HDAC9: variants seen among roughly 807,000 people sequenced by gnomAD.
HDAC9 encodes histone deacetylase 9.
In HDAC9, 41 loss-of-function variants were observed where a neutral mutation model predicts 139.4. The observed-to-expected ratio is 0.29, with a 90% confidence interval of 0.23 to 0.38. The LOEUF (loss-of-function observed/expected upper bound fraction) is 0.38, where lower values mean the gene tolerates loss of function less well. HDAC9 is among the 10% of genes least tolerant of loss of function. HDAC9 has a pLI of 1.00. For synonymous variants in HDAC9, 517 were observed against 476.2 expected, an observed-to-expected ratio of 1.09 and a Z score of -1.12; for missense variants, 1,147 against 1,297.0, an observed-to-expected ratio of 0.88 and a Z score of 1.78.
rs574714431 is a variant in HDAC9, at chr7:18,590,593, T to A, written c.415+107T>A. On this transcript the variant is annotated intron_variant, in intron 4 of 25. Coordinates refer to ENST00000686413, the MANE Select transcript of HDAC9 (RefSeq NM_178425.4). ...TGCGGTTAGACTCGTCAAAATTATC[T>A]GTGTTTAATTAAAAGCATAGATTAC... 3 of 1,111,552 alleles carry A rather than the reference T, an allele frequency of 2.7e-6. No individual in the cohort carries two copies. The African/African-American group carries it at 4.8e-5, about 18-fold the overall frequency. 68.9% of individuals were successfully genotyped at this position (1,111,552 alleles called of 1,614,324 possible).
intron 8 of HDAC9, among the ~76,000 whole-genome samples, chr7:18,637,239 A>G (rs1401503472): frequency 6.6e-6 from 1 of 152,118 alleles, no homozygotes; most frequent in African/African-American, 2.4e-5. Context: ...GGGGGAAAAC[A>G]TGATTTGATA....
chr7:18,932,823 A>G (rs374286083), intron 22 of HDAC9, among the ~76,000 whole-genome samples: 6 of 130,882 alleles, frequency 4.6e-5, no homozygotes, highest in African/African-American at 1.1e-4. Context: ...ATAGAAAGAA[A>G]GAAGGAAGGA....
At chr7:18,990,812 C>T (rs1214583701) in intron 25 of HDAC9, among the ~76,000 whole-genome samples, 2 of 152,214 alleles carry the variant, frequency 1.3e-5, no homozygotes, top group African/African-American at 2.4e-5. Context: ...CCTGATTTTC[C>T]AGGTGCCGTC....
chr7:18,634,446 G>A (rs1783280749), intron 7 of HDAC9, among the ~76,000 whole-genome samples, 181 bp from the exon 8 acceptor site: 1 of 151,682 alleles, frequency 6.6e-6, no homozygotes, highest in Non-Finnish European at 1.5e-5. Context: ...AAACAAAGGA[G>A]GAATAAGTGG....
chr7:18,498,357 T>A (rs1797486158), intron 2 of HDAC9, among the ~76,000 whole-genome samples: 1 of 152,056 alleles, frequency 6.6e-6, no homozygotes, highest in Non-Finnish European at 1.5e-5. Context: ...ATGCCTGGTT[T>A]AATTGGTATG....
chr7:18,090,651 G>A (rs1413665739), intron 1 of HDAC9, among the ~76,000 whole-genome samples: 1 of 152,170 alleles, frequency 6.6e-6, no homozygotes, highest in Non-Finnish European at 1.5e-5. Context: ...AGAGAGTATT[G>A]ACGGGGGACA....
intron 1 of HDAC9, among the ~76,000 whole-genome samples, chr7:18,149,355 CT>C (rs534480190): frequency 5.0e-4 from 70 of 139,534 alleles, no homozygotes; most frequent in East Asian, 1.2e-3. Context: ...ATAATTTTTT[CT>C]TTTTTTTTTT....
rs537713767 is a variant in HDAC9 at position 18,582,324 on chromosome 7, G to T, written c.23-2957G>T. Among the ~76,000 whole-genome samples, 4 of 152,258 alleles carry T rather than the reference G, an allele frequency of 2.6e-5. No individual in the cohort carries two copies. The South Asian group carries it at 8.3e-4, about 32-fold the overall frequency. ...TCCGTCTAAAATACAGCCATCTTCT[G>T]TTCTCTACATCACCAGTCATTGCTA... On this transcript the variant is annotated intron_variant, in intron 2 of 25. Transcript: ENST00000686413.
At chr7:18,761,748 G>T (rs1015271557) in intron 14 of HDAC9, among the ~76,000 whole-genome samples, 3 of 152,156 alleles carry the variant, frequency 2.0e-5, no homozygotes, top group African/African-American at 7.2e-5. Context: ...ATTTATTTAT[G>T]TCCTTCAAGA....
intron 6 of HDAC9, among the ~76,000 whole-genome samples, chr7:18,615,906 A>G (rs1377269737): frequency 1.3e-5 from 2 of 152,206 alleles, no homozygotes; most frequent in African/African-American, 2.4e-5. Flanking sequence ...GCTGGAGGTC[A>G]TATGTCCAAA....
chr7:18,124,180 C>G (rs1784519704), intron 1 of HDAC9, among the ~76,000 whole-genome samples: 1 of 152,174 alleles, frequency 6.6e-6, no homozygotes, highest in South Asian at 2.1e-4. Context: ...TGGCCACCTT[C>G]TGTCATCACT....
rs143727266 is a variant in HDAC9, at chr7:18,917,845, A to G, written c.2804-17964A>G. Among the ~76,000 whole-genome samples, 776 of 152,102 alleles carry G rather than the reference A, an allele frequency of 5.1e-3. 6 individuals carry two copies. Among genetic ancestry groups the G allele is most frequent in the African/African-American group, 0.018 (738 of 41,526 alleles). ...GCCCCCAAATCTATGCTCTTATCTA[A>G]TACATGCAATGGAAAGCCTATTCAG... On this transcript the variant is annotated intron_variant, in intron 22 of 25. Transcript: ENST00000686413.
At chr7:18,258,949 T>A (rs1795457300) in intron 2 of HDAC9, among the ~76,000 whole-genome samples, 1 of 132,132 alleles carries the variant, frequency 7.6e-6, no homozygotes, top group Admixed American at 8.6e-5. Flanking sequence ...ATTCTTCTTC[T>A]CCTTTTTTTT....
At chr7:18,952,739 A>G (rs1782885837) in intron 23 of HDAC9, among the ~76,000 whole-genome samples, 1 of 151,876 alleles carries the variant, frequency 6.6e-6, no homozygotes, top group Non-Finnish European at 1.5e-5. Flanking sequence ...TTGAAATACC[A>G]CATTTTAAAA....
At chr7:18,560,667 T>C (rs1820301832) in intron 2 of HDAC9, among the ~76,000 whole-genome samples, 1 of 152,184 alleles carries the variant, frequency 6.6e-6, no homozygotes, top group Non-Finnish European at 1.5e-5. Context: ...GTAAACAGTA[T>C]GTATTTGTTG....
chr7:18,179,515 G>A (rs1383147657), intron 2 of HDAC9, among the ~76,000 whole-genome samples: 1 of 152,102 alleles, frequency 6.6e-6, no homozygotes, highest in African/African-American at 2.4e-5. Flanking sequence ...GGATGAATAA[G>A]CTTTGTTTTT....
intron 6 of HDAC9, among the ~76,000 whole-genome samples, chr7:18,624,972 T>C (rs1841264082): frequency 6.6e-6 from 1 of 152,044 alleles, no homozygotes; most frequent in African/African-American, 2.4e-5. Context: ...GTATACTGTA[T>C]ATTTTGTTAA....
chr7:18,089,267 G>A (rs375937071), intron 1 of HDAC9, among the ~76,000 whole-genome samples: 7 of 152,140 alleles, frequency 4.6e-5, no homozygotes, highest in South Asian at 2.1e-4. Flanking sequence ...AGCCTGTTGG[G>A]CTGGCCTTTA....
At position 18,637,384 on chromosome 7, in the gene HDAC9, G is replaced by A. The variant is rs182006194; in HGVS notation, c.912+2642G>A. Among the ~76,000 whole-genome samples the A allele has an allele frequency of 4.1e-3, 621 of 152,094 alleles. 1 individual carries two copies. Among genetic ancestry groups the A allele is most frequent in the Non-Finnish European group, 7.2e-3 (486 of 67,940 alleles). Reference sequence around the variant, plus strand: ...GTAAATAAAAGATTTTGCTTATACTGTTTTAATCTGTTTTATATTTCTAAA... The same window carrying A: ...GTAAATAAAAGATTTTGCTTATACTATTTTAATCTGTTTTATATTTCTAAA... On this transcript the variant is annotated intron_variant, in intron 8 of 25. Coordinates refer to ENST00000686413, the MANE Select transcript of HDAC9 (RefSeq NM_178425.4).
Sources: gnomAD v4.1 joint callset for allele counts (sites outside exome capture counted in the v4.1 genomes callset) on GRCh38, gnomAD v4.1.1 for gene constraint, MANE v1.5 for transcripts, NCBI Gene and HGNC (gene_info 2026-07-23, HGNC 2026-07-21) for gene names.